Variants in MND1 observed in about 807,000 individuals in gnomAD.
MND1 encodes the protein meiotic nuclear divisions 1.
In MND1, 28 loss-of-function variants were observed where a neutral mutation model predicts 35.1. That is an observed-to-expected ratio of 0.80 (90% CI 0.59 to 1.09). MND1 has a LOEUF of 1.09. Among genes scored for constraint, MND1 ranks in the 50% least tolerant of loss-of-function variants. The pLI is 0.00. For synonymous variants in MND1, 69 were observed against 70.5 expected, an observed-to-expected ratio of 0.98 and a Z score of 0.11; for missense variants, 213 against 239.6, an observed-to-expected ratio of 0.89 and a Z score of 0.73.
chr4:153,382,879 T>G (rs2149647177), intron 4 of MND1, among the ~76,000 whole-genome samples: 1 of 152,334 alleles, frequency 6.6e-6, no homozygotes, highest in South Asian at 2.1e-4. Flanking sequence ...ATGCCAGAAG[T>G]AAAACTGAAT....
intron 6 of MND1, among the ~76,000 whole-genome samples, chr4:153,402,423 G>A (rs947923851): frequency 1.3e-5 from 2 of 152,168 alleles, no homozygotes; most frequent in Non-Finnish European, 2.9e-5. Flanking sequence ...TGCAAAAATT[G>A]TTGTAGTCAA....
intron 6 of MND1, 70 bp downstream of exon 6, chr4:153,397,403 T>C: frequency 9.3e-7 from 1 of 1,075,272 alleles, no homozygotes; most frequent in Non-Finnish European, 1.4e-6. Flanking sequence ...TCTAGTTGCC[T>C]GCTAACTATT....
At chr4:153,355,351 T>C (rs1360192070) in intron 2 of MND1, among the ~76,000 whole-genome samples, 2 of 152,266 alleles carry the variant, frequency 1.3e-5, no homozygotes, top group East Asian at 3.9e-4. Context: ...TTATGATGTA[T>C]ATATAAATAT....
chr4:153,383,387 G>A (rs1373471506), intron 4 of MND1, among the ~76,000 whole-genome samples: 1 of 152,162 alleles, frequency 6.6e-6, no homozygotes, highest in African/African-American at 2.4e-5. Context: ...TTGCAGCTGG[G>A]GAGTGTCCAG....
intron 4 of MND1, among the ~76,000 whole-genome samples, chr4:153,360,236 G>A (rs1487385496): frequency 6.6e-6 from 1 of 152,134 alleles, no homozygotes; most frequent in African/African-American, 2.4e-5. Context: ...TATCAAATAT[G>A]TGTTTTTCAA....
chr4:153,400,128 C>T (rs916507732), intron 6 of MND1, among the ~76,000 whole-genome samples: 24 of 151,858 alleles, frequency 1.6e-4, no homozygotes, highest in African/African-American at 1.2e-4. Flanking sequence ...CAGCTGGTCT[C>T]GAACTCCTGG....
chr4:153,371,991 A>G (rs192854022), intron 4 of MND1, among the ~76,000 whole-genome samples: 78 of 152,170 alleles, frequency 5.1e-4, no homozygotes, highest in African/African-American at 1.8e-3. Flanking sequence ...GTCTCAAGGA[A>G]TAGGGAAGGC....
intron 4 of MND1, among the ~76,000 whole-genome samples, chr4:153,390,841 C>G (rs1039622479): frequency 2.2e-5 from 3 of 137,862 alleles, no homozygotes; most frequent in Admixed American, 7.3e-5. Flanking sequence ...AAAAACAAAA[C>G]AAAACAAAAA....
chr4:153,374,659 C>T (rs1470594798), intron 4 of MND1, among the ~76,000 whole-genome samples: 6 of 150,982 alleles, frequency 4.0e-5, no homozygotes, highest in Non-Finnish European at 8.9e-5. Flanking sequence ...TTTCATCACT[C>T]TTCTGCCAGT....
intron 4 of MND1, among the ~76,000 whole-genome samples, chr4:153,364,343 C>A (rs1773571229): frequency 6.6e-6 from 1 of 151,818 alleles, no homozygotes; most frequent in South Asian, 2.1e-4. Flanking sequence ...TGGCAAGACT[C>A]CATCTCTACA....
chr4:153,376,783 C>T (rs1400329655), intron 4 of MND1, among the ~76,000 whole-genome samples: 1 of 152,092 alleles, frequency 6.6e-6, no homozygotes, highest in Non-Finnish European at 1.5e-5. Flanking sequence ...TGTGGTACCC[C>T]GAGCATAACT....
chr4:153,394,354 G>C lies in MND1; in HGVS notation c.351+18G>C. 6.3e-7 allele frequency: 1 copy of C among 1,594,056 alleles called. No individual in the cohort carries two copies. The highest frequency in any genetic ancestry group is 8.6e-7 in the Non-Finnish European group (1 of 1,166,898). ...GTGAAACGGTAAGTTTGTGTCTATA[G>C]ATTATTTTAATAATGGCAATTCTAA... On this transcript the variant is annotated intron_variant, in intron 5 of 7. Transcript: ENST00000240488.
At chr4:153,379,226 C>G (rs1230490648) in intron 4 of MND1, among the ~76,000 whole-genome samples, 2 of 146,148 alleles carry the variant, frequency 1.4e-5, no homozygotes, top group Non-Finnish European at 3.0e-5. Context: ...GGAGACGGAG[C>G]TTGCAGTGAG....
intron 4 of MND1, among the ~76,000 whole-genome samples, chr4:153,372,409 A>T (rs1235815460): frequency 6.6e-6 from 1 of 151,212 alleles, no homozygotes; most frequent in Admixed American, 6.5e-5. Context: ...TTATGTGTGT[A>T]TATCTTCTTA....
intron 6 of MND1, among the ~76,000 whole-genome samples, chr4:153,405,949 G>C (rs149661465): frequency 1.6e-4 from 24 of 151,982 alleles, no homozygotes; most frequent in Non-Finnish European, 2.4e-4. Context: ...GACTACAGGC[G>C]CCCACCACCA....
At chr4:153,401,079 A>T (rs1184583647) in intron 6 of MND1, among the ~76,000 whole-genome samples, 1 of 152,162 alleles carries the variant, frequency 6.6e-6, no homozygotes, top group Non-Finnish European at 1.5e-5. Context: ...AATATCCAAA[A>T]TGAAACACAG....
chr4:153,406,055 C>T (rs1026927639), intron 6 of MND1, among the ~76,000 whole-genome samples: 15 of 152,212 alleles, frequency 9.9e-5, no homozygotes, highest in Admixed American at 9.8e-4. Flanking sequence ...CCGTCTCGGC[C>T]TCCCAAAGTG....
At chr4:153,369,769 C>T (rs180722929) in intron 4 of MND1, among the ~76,000 whole-genome samples, 5 of 151,942 alleles carry the variant, frequency 3.3e-5, no homozygotes, top group African/African-American at 1.2e-4. Context: ...ATTGATTTCA[C>T]AAAAGATTTC....
rs142855712 is a variant in MND1, at chr4:153,358,291, A to T, written c.128-183A>T. 5.1e-3 allele frequency among the ~76,000 whole-genome samples: 770 copies of T among 152,286 alleles called. 5 individuals are homozygous for T. Among genetic ancestry groups the T allele is most frequent in the African/African-American group, 0.018 (733 of 41,556 alleles). ...AGTCATGCTTTGCTTAAGGATGGGG[A>T]TACATTCTAAGAAATGTTTCCTTAG... On this transcript the variant is annotated intron_variant, in intron 3 of 7. Transcript: ENST00000240488.
Sources: gnomAD v4.1 joint callset for allele counts (sites outside exome capture counted in the v4.1 genomes callset) on GRCh38, gnomAD v4.1.1 for gene constraint, MANE v1.5 for transcripts, NCBI Gene and HGNC (gene_info 2026-07-23, HGNC 2026-07-21) for gene names.